PCYT1B: variants seen among roughly 807,000 people sequenced by gnomAD.
PCYT1B encodes the protein phosphate cytidylyltransferase 1B, choline, also known as choline-phosphate cytidylyltransferase B.
PCYT1B carries 10 observed loss-of-function variants against 26.4 expected under a neutral mutation model. That is an observed-to-expected ratio of 0.38 (90% CI 0.23 to 0.64). PCYT1B has a LOEUF of 0.64. Among genes scored for constraint, PCYT1B ranks in the 30% least tolerant of loss-of-function variants. The pLI, the probability that PCYT1B is intolerant of heterozygous loss-of-function variation, is 0.56. For missense variants in PCYT1B, 161 were observed against 292.7 expected, an observed-to-expected ratio of 0.55 and a Z score of 3.28; for synonymous variants, 131 against 108.4, an observed-to-expected ratio of 1.21 and a Z score of -1.29.
At chrX:24,670,251 A>G (rs1927229685) in intron 1 of PCYT1B, among the ~76,000 whole-genome samples, 1 of 111,940 alleles carries the variant, frequency 8.9e-6, no homozygotes, top group Non-Finnish European at 1.9e-5. Context: ...AGTACCAACC[A>G]AGTACCAAAA....
chrX:24,613,970 A>G (rs925913259), intron 2 of PCYT1B, among the ~76,000 whole-genome samples: 18 of 63,277 alleles, frequency 2.8e-4, no homozygotes, highest in African/African-American at 1.1e-3. Context: ...AAAAAAAAAA[A>G]AAAAAAAAGA....
chrX:24,607,031 T>C (rs1170999191), intron 3 of PCYT1B, among the ~76,000 whole-genome samples: 3 of 112,322 alleles, frequency 2.7e-5, no homozygotes, highest in Non-Finnish European at 5.6e-5. Flanking sequence ...TCTGAATGAA[T>C]ATGCTCCTTC....
intron 1 of PCYT1B, among the ~76,000 whole-genome samples, chrX:24,644,449 T>TACACACACACAC (rs201474505): frequency 9.8e-4 from 93 of 95,357 alleles, no homozygotes; most frequent in African/African-American, 3.1e-3. Flanking sequence ...ATGTGCATGA[T>TACACACACACAC]ACACACACAC....
At chrX:24,652,525 C>T (rs1412804474) in intron 1 of PCYT1B, among the ~76,000 whole-genome samples, 2 of 108,293 alleles carry the variant, frequency 1.8e-5, no homozygotes, top group Non-Finnish European at 3.8e-5. Flanking sequence ...CACCATTGCA[C>T]TCCAGCCTGG....
chrX:24,594,274 A>G (rs757420853), intron 3 of PCYT1B, among the ~76,000 whole-genome samples: 1 of 111,406 alleles, frequency 9.0e-6, no homozygotes, highest in East Asian at 2.8e-4. Context: ...GGGCCATAAT[A>G]ACTATGTGTT....
chrX:24,657,928 T>G (rs1470733369), intron 1 of PCYT1B: 1 of 111,993 alleles, frequency 8.9e-6, no homozygotes, highest in Non-Finnish European at 1.9e-5. Flanking sequence ...TGTTATCAAA[T>G]TATCCTCCAG....
chrX:24,637,491 A>AATATATATATATATATATATATATATAT (rs1555963533), intron 1 of PCYT1B, among the ~76,000 whole-genome samples: 2 of 52,858 alleles, frequency 3.8e-5, no homozygotes, highest in African/African-American at 1.5e-4. Flanking sequence ...AAAAAAAAAA[A>AATATATATATATATATATATATATATAT]ATATATATAT....
intron 6 of PCYT1B, among the ~76,000 whole-genome samples, chrX:24,577,635 A>G (rs1239789304): frequency 1.8e-5 from 2 of 112,058 alleles, no homozygotes; most frequent in Non-Finnish European, 3.8e-5. Flanking sequence ...AGGACAACTC[A>G]TGATCAACGA....
chrX:24,624,357 T>C (rs1925822361), intron 1 of PCYT1B, among the ~76,000 whole-genome samples: 1 of 112,264 alleles, frequency 8.9e-6, no homozygotes, highest in Non-Finnish European at 1.9e-5. Flanking sequence ...ATCCCTTTCC[T>C]ATTTTTACAT....
chrX:24,577,921 AG>A (rs1216725904), intron 6 of PCYT1B, among the ~76,000 whole-genome samples: 7 of 111,030 alleles, frequency 6.3e-5, no homozygotes, highest in African/African-American at 2.3e-4. Flanking sequence ...GCTTTTTAAC[AG>A]CTTGTTTTGC....
intron 1 of PCYT1B, among the ~76,000 whole-genome samples, chrX:24,641,867 G>A (rs1926475203): frequency 8.9e-6 from 1 of 112,098 alleles, no homozygotes; most frequent in Non-Finnish European, 1.9e-5. Context: ...TTCTAGGCCA[G>A]TATGTGACCC....
chrX:24,567,738 CAA>C (rs1293990724), intron 7 of PCYT1B, among the ~76,000 whole-genome samples: 1 of 111,019 alleles, frequency 9.0e-6, no homozygotes, highest in Non-Finnish European at 1.9e-5. Flanking sequence ...ATCATGAGTT[CAA>C]GAGTTCGAGA....
At chrX:24,631,692 G>A (rs952734188) in intron 1 of PCYT1B, among the ~76,000 whole-genome samples, 2 of 112,211 alleles carry the variant, frequency 1.8e-5, no homozygotes, top group South Asian at 3.7e-4. Flanking sequence ...TGGGCTGGGC[G>A]CAGTGGCTCA....
intron 5 of PCYT1B, among the ~76,000 whole-genome samples, chrX:24,582,689 G>A (rs1019089035): frequency 1.2e-4 from 13 of 112,069 alleles, no homozygotes; most frequent in Non-Finnish European, 1.5e-4. Flanking sequence ...TTTGCTAGAG[G>A]ATTTTGACAC....
intron 2 of PCYT1B, among the ~76,000 whole-genome samples, chrX:24,609,802 T>TAA (rs1214267322): frequency 9.0e-6 from 1 of 111,267 alleles, no homozygotes; most frequent in Non-Finnish European, 1.9e-5. Flanking sequence ...TACTGACTTT[T>TAA]AAAAATAGTC....
chrX:24,630,598 A>T (rs1169954327), intron 1 of PCYT1B, among the ~76,000 whole-genome samples: 1 of 112,317 alleles, frequency 8.9e-6, no homozygotes, highest in Non-Finnish European at 1.9e-5. Context: ...CCCAGTCAAA[A>T]TATGTTTGTT....
At chrX:24,636,601 A>T (rs768307936) in intron 1 of PCYT1B, among the ~76,000 whole-genome samples, 1 of 111,940 alleles carries the variant, frequency 8.9e-6, no homozygotes, top group Non-Finnish European at 1.9e-5. Flanking sequence ...TGAGAGTGAG[A>T]CTCTGTCTCA....
upstream of PCYT1B, among the ~76,000 whole-genome samples, chrX:24,651,156 T>C (rs1024306411): frequency 3.6e-5 from 4 of 110,972 alleles, no homozygotes; most frequent in South Asian, 7.6e-4. Flanking sequence ...CAAATTTTTC[T>C]GCCTTTAACA....
intron 1 of PCYT1B, among the ~76,000 whole-genome samples, chrX:24,654,320 G>A (rs1353679586): frequency 9.7e-6 from 1 of 103,148 alleles, no homozygotes; most frequent in African/African-American, 3.5e-5. Context: ...TATTGGCCAG[G>A]CTGGTCTCGA....
Sources: gnomAD v4.1 joint callset for allele counts (sites outside exome capture counted in the v4.1 genomes callset) on GRCh38, gnomAD v4.1.1 for gene constraint, MANE v1.5 for transcripts, NCBI Gene and HGNC (gene_info 2026-07-23, HGNC 2026-07-21) for gene names.